AGBL4: variants seen among roughly 807,000 people sequenced by gnomAD.
The protein encoded by AGBL4 is AGBL carboxypeptidase 4.
AGBL4 carries 58 observed loss-of-function variants against 66.4 expected under a neutral mutation model. The observed-to-expected ratio is 0.87, with a 90% CI of 0.71 to 1.09. The LOEUF (loss-of-function observed/expected upper bound fraction) is 1.09. Ranked by LOEUF, AGBL4 falls within the 50% of genes least tolerant of loss-of-function variation. AGBL4 has a pLI of 0.00. For synonymous variants in AGBL4, 234 were observed against 222.9 expected, an observed-to-expected ratio of 1.05 and a Z score of -0.44; for missense variants, 579 against 631.0, an observed-to-expected ratio of 0.92 and a Z score of 0.88.
intron 3 of AGBL4, among the ~76,000 whole-genome samples, chr1:49,399,261 T>C (rs1645034721): frequency 6.6e-6 from 1 of 152,186 alleles, no homozygotes; most frequent in African/African-American, 2.4e-5. Context: ...GGCATGTGGG[T>C]TGCTTCCAAA....
chr1:49,541,290 C>T (rs996713731), intron 3 of AGBL4, among the ~76,000 whole-genome samples: 2 of 152,136 alleles, frequency 1.3e-5, no homozygotes, highest in Admixed American at 6.5e-5. Context: ...CTGGGCTGGC[C>T]GAGGTCAGAG....
intron 3 of AGBL4, among the ~76,000 whole-genome samples, chr1:49,304,907 T>G (rs1379330130): frequency 6.6e-6 from 1 of 152,192 alleles, no homozygotes; most frequent in East Asian, 1.9e-4. Flanking sequence ...TTACACATTT[T>G]TAGTATGTAA....
rs1461196572 is a variant in AGBL4, at chr1:49,398,821, G to A, written c.283-152957C>T. On this transcript the variant is annotated intron_variant, in intron 3 of 13. Coordinates refer to ENST00000371839, the MANE Select transcript of AGBL4 (RefSeq NM_032785.4). The stretch of plus-strand genomic sequence containing the variant: ...ATAAAAAGGGTGTCCATCATCTCAA[G>A]CACTTATCTTTTGTGTTACAAACAA... Among the ~76,000 whole-genome samples, 21 of 151,956 alleles carry A rather than the reference G, an allele frequency of 1.4e-4. 1 individual carries two copies. The highest frequency in any genetic ancestry group is 1.4e-3 in the Admixed American group (21 of 15,252).
At chr1:49,619,953 C>T (rs1367417137) in intron 3 of AGBL4, among the ~76,000 whole-genome samples, 1 of 152,128 alleles carries the variant, frequency 6.6e-6, no homozygotes, top group East Asian at 1.9e-4. Flanking sequence ...TTCCCTACAT[C>T]TTATACAAAA....
chr1:49,409,261 A>T (rs1042295232), intron 3 of AGBL4, among the ~76,000 whole-genome samples: 1 of 152,120 alleles, frequency 6.6e-6, no homozygotes, highest in African/African-American at 2.4e-5. Context: ...ACTACCACAC[A>T]TCTTGAAGCA....
chr1:48,810,204 A>T (rs1324283498), intron 6 of AGBL4, among the ~76,000 whole-genome samples: 1 of 152,164 alleles, frequency 6.6e-6, no homozygotes, highest in African/African-American at 2.4e-5. Context: ...CCTGTGCTTG[A>T]GGTGCTTCTG....
intron 6 of AGBL4, among the ~76,000 whole-genome samples, chr1:48,693,203 C>T (rs61621974): frequency 0.023 from 3,436 of 152,280 alleles, 136 homozygotes; most frequent in African/African-American, 0.077. Flanking sequence ...TCCCCGGACC[C>T]TGGGCAGGGC....
At position 49,524,079 on chromosome 1, in the gene AGBL4, A is replaced by C. The variant is rs187965757; in HGVS notation, c.282+173234T>G. ...ATTTAACCCTAACACAAATGCTACAAGGTACAGTAAGTATATTATGCATTA... is the reference window on the plus strand; with the variant it reads ...ATTTAACCCTAACACAAATGCTACACGGTACAGTAAGTATATTATGCATTA... On this transcript the variant is annotated intron_variant, in intron 3 of 13. Transcript: ENST00000371839. Among the ~76,000 whole-genome samples the C allele has an allele frequency of 7.2e-5, 11 of 152,202 alleles. 1 individual carries two copies. The highest frequency in any genetic ancestry group is 2.6e-4 in the African/African-American group (11 of 41,556).
At chr1:49,073,768 A>T (rs1644656334) in intron 4 of AGBL4, among the ~76,000 whole-genome samples, 1 of 152,154 alleles carries the variant, frequency 6.6e-6, no homozygotes, top group Non-Finnish European at 1.5e-5. Flanking sequence ...CATTATTAGA[A>T]CTTGAACACT....
At chr1:48,965,548 C>A (rs1658350984) in intron 5 of AGBL4, among the ~76,000 whole-genome samples, 1 of 152,066 alleles carries the variant, frequency 6.6e-6, no homozygotes, top group Non-Finnish European at 1.5e-5. Flanking sequence ...AGTGGTAGCA[C>A]CGGTTTCAGC....
chr1:49,918,421 A>G (rs531262603), intron 1 of AGBL4, among the ~76,000 whole-genome samples: 71 of 152,360 alleles, frequency 4.7e-4, no homozygotes, highest in African/African-American at 1.5e-3. Flanking sequence ...CCGATCCCAC[A>G]GAAATACAAA....
chr1:49,001,739 G>T (rs955734357), intron 5 of AGBL4, among the ~76,000 whole-genome samples: 6 of 152,160 alleles, frequency 3.9e-5, no homozygotes, highest in African/African-American at 1.4e-4. Flanking sequence ...TGGCCACAGA[G>T]AAAGTTCTTA....
rs890420590 is a variant in AGBL4, at chr1:49,503,137, C to T, written c.282+194176G>A. Reference sequence around the variant, plus strand: ...GCCTTGGGACTTGGTGCCCTGTGTCCCAGCCACTCCAGCCATGGCTAAAGG... The same window carrying T: ...GCCTTGGGACTTGGTGCCCTGTGTCTCAGCCACTCCAGCCATGGCTAAAGG... On this transcript the variant is annotated intron_variant, in intron 3 of 13. Coordinates refer to ENST00000371839, the MANE Select transcript of AGBL4 (RefSeq NM_032785.4). Among the ~76,000 whole-genome samples the T allele has an allele frequency of 4.6e-5, 7 of 152,010 alleles. 1 individual carries two copies. The highest frequency in any genetic ancestry group is 9.7e-5 in the African/African-American group (4 of 41,416).
intron 11 of AGBL4, among the ~76,000 whole-genome samples, chr1:48,566,351 T>C (rs1644475532): frequency 6.6e-6 from 1 of 152,214 alleles, no homozygotes; most frequent in South Asian, 2.1e-4. Context: ...TCAATATCAA[T>C]AGAGCTGATA....
chr1:48,702,668 G>A (rs1254380292), intron 6 of AGBL4, among the ~76,000 whole-genome samples: 1 of 152,096 alleles, frequency 6.6e-6, no homozygotes, highest in Non-Finnish European at 1.5e-5. Context: ...GGGATAGGCT[G>A]GCATCCAGGA....
chr1:48,592,738 A>G lies in AGBL4; in HGVS notation c.952-1753T>C, dbSNP rs191555256. ...GTCAGAGCTAGAGAGGCCCTTGGAA[A>G]CCAGTTTCTCTGACCTTTCTCAGAC... is the stretch of plus-strand genomic sequence containing the variant. On this transcript the variant is annotated intron_variant, in intron 9 of 13. Coordinates refer to ENST00000371839, the MANE Select transcript of AGBL4 (RefSeq NM_032785.4). 1.4e-4 allele frequency among the ~76,000 whole-genome samples: 21 copies of G among 152,262 alleles called. No individual in the cohort carries two copies. The East Asian group carries it at 4.1e-3, about 29-fold the overall frequency.
chr1:49,402,814 G>A (rs945111596), intron 3 of AGBL4, among the ~76,000 whole-genome samples: 2 of 152,132 alleles, frequency 1.3e-5, no homozygotes, highest in African/African-American at 2.4e-5. Context: ...TGATCTGCCC[G>A]CCTTGGCCTC....
At chr1:48,745,003 G>A (rs1215243641) in intron 6 of AGBL4, among the ~76,000 whole-genome samples, 4 of 150,234 alleles carry the variant, frequency 2.7e-5, no homozygotes, top group Non-Finnish European at 5.9e-5. Flanking sequence ...GGTAGGGGGG[G>A]TCTCTACATT....
chr1:48,889,890 C>T (rs931166483), intron 5 of AGBL4, among the ~76,000 whole-genome samples: 8 of 151,858 alleles, frequency 5.3e-5, no homozygotes, highest in Admixed American at 2.0e-4. Flanking sequence ...GGGACTGGGA[C>T]GGGGAGGATG....
Sources: allele counts gnomAD v4.1 joint callset (sites outside exome capture counted in the v4.1 genomes callset), GRCh38; gene constraint gnomAD v4.1.1; transcripts MANE v1.5; gene names NCBI Gene and HGNC (gene_info 2026-07-23, HGNC 2026-07-21).